EYS: variants seen among roughly 807,000 people sequenced by gnomAD.
EYS encodes protein eyes shut homolog.
A neutral mutation model predicts 282.1 loss-of-function variants in EYS; 250 were observed. The ratio of observed to expected loss-of-function variants is 0.89; its 90% CI spans 0.80 to 0.98. The LOEUF (loss-of-function observed/expected upper bound fraction) is 0.98, where lower values mean the gene tolerates loss of function less well. Among genes scored for constraint, EYS ranks in the 50% least tolerant of loss-of-function variants. The pLI, the probability that EYS is intolerant of heterozygous loss-of-function variation, is 0.00. For synonymous variants in EYS, 1,355 were observed against 1,282.9 expected, an observed-to-expected ratio of 1.06 and a Z score of -1.20; for missense variants, 4,016 against 3,709.0, an observed-to-expected ratio of 1.08 and a Z score of -2.15.
intron 19 of EYS, among the ~76,000 whole-genome samples, chr6:64,878,538 C>A (rs1714820790): frequency 6.6e-6 from 1 of 152,018 alleles, no homozygotes; most frequent in African/African-American, 2.4e-5. Context: ...GATTGTCAGG[C>A]AGCACCAAGG....
intron 12 of EYS, among the ~76,000 whole-genome samples, chr6:65,184,207 A>G (rs1281028062): frequency 1.3e-5 from 2 of 151,958 alleles, no homozygotes; most frequent in South Asian, 4.1e-4. Flanking sequence ...TATAAGGAGC[A>G]GAAATGTATA....
At chr6:65,539,809 A>T (rs182551179) in intron 2 of EYS, among the ~76,000 whole-genome samples, 1 of 152,326 alleles carries the variant, frequency 6.6e-6, no homozygotes, top group Admixed American at 6.5e-5. Flanking sequence ...AAGTATTAAA[A>T]ATATTCATGA....
intron 1 of EYS, among the ~76,000 whole-genome samples, chr6:65,641,945 T>C (rs1767289438): frequency 6.6e-6 from 1 of 152,142 alleles, no homozygotes; most frequent in African/African-American, 2.4e-5. Context: ...CGAAAAGATT[T>C]AGAAACAACT....
chr6:64,848,555 C>T (rs187366232), intron 19 of EYS, among the ~76,000 whole-genome samples: 167 of 152,122 alleles, frequency 1.1e-3, no homozygotes, highest in Middle Eastern at 0.01. Context: ...AAACAATCAA[C>T]TCACACAGGA....
chr6:65,606,332 G>A (rs1765791123), intron 2 of EYS, among the ~76,000 whole-genome samples: 1 of 151,584 alleles, frequency 6.6e-6, no homozygotes, highest in Non-Finnish European at 1.5e-5. Context: ...CATATTCCAA[G>A]CCATACTAAA....
chr6:63,820,841 G>C (rs1042232747), intron 36 of EYS, among the ~76,000 whole-genome samples: 1 of 152,206 alleles, frequency 6.6e-6, no homozygotes, highest in South Asian at 2.1e-4. Context: ...GATGATAGTA[G>C]TTTAACATAT....
At chr6:64,174,420 T>G (rs1280685623) in intron 31 of EYS, among the ~76,000 whole-genome samples, 1 of 152,034 alleles carries the variant, frequency 6.6e-6, no homozygotes, top group African/African-American at 2.4e-5. Flanking sequence ...TTACTTATAA[T>G]AGTAATACTT....
intron 26 of EYS, among the ~76,000 whole-genome samples, chr6:64,580,421 C>T (rs1766023798): frequency 6.6e-6 from 1 of 151,886 alleles, no homozygotes; most frequent in South Asian, 2.1e-4. Context: ...TTGAATTGGG[C>T]CTTAGGACAG....
chr6:65,283,251 G>T (rs1768273050), intron 12 of EYS, among the ~76,000 whole-genome samples: 1 of 151,712 alleles, frequency 6.6e-6, no homozygotes, highest in Non-Finnish European at 1.5e-5. Context: ...ACTTTAAAAA[G>T]AACAAGTCTC....
At chr6:65,024,213 C>A (rs1251494381) in intron 13 of EYS, among the ~76,000 whole-genome samples, 2 of 152,072 alleles carry the variant, frequency 1.3e-5, no homozygotes, top group African/African-American at 2.4e-5. Flanking sequence ...GTCTAGGGAG[C>A]TTTTATTCAC....
At chr6:64,986,818 C>T (rs938831264) in intron 14 of EYS, among the ~76,000 whole-genome samples, 3 of 145,600 alleles carry the variant, frequency 2.1e-5, no homozygotes, top group Non-Finnish European at 3.1e-5. Context: ...ATATATAACT[C>T]AGACCAAAAA....
rs67661407 is a variant in EYS, at chr6:65,153,363, ATGTGTGTGTGTGTGTG to A, written c.2024-95652_2024-95637del. Among the ~76,000 whole-genome samples the A allele has an allele frequency of 4.1e-3, 556 of 135,856 alleles. 4 individuals are homozygous for A. The highest frequency in any genetic ancestry group is 0.014 in the African/African-American group (502 of 37,012). 89.1% of individuals were successfully genotyped at this position (135,856 alleles called of 152,430 possible). A position where few individuals can be genotyped will look rare whatever the true frequency, so the allele number is the denominator to read the frequency against. On this transcript the variant is annotated intron_variant, in intron 12 of 42. Coordinates refer to ENST00000503581, the MANE Select transcript of EYS (RefSeq NM_001142800.2). ...ACCCACAGAAATTCAGAGATCATAA[ATGTGTGTGTGTGTGTG>A]TGTGTGTGTGTGTGTGTGTGTGTGT...
intron 28 of EYS, among the ~76,000 whole-genome samples, chr6:64,433,356 C>T (rs1774633310): frequency 1.3e-5 from 2 of 151,974 alleles, no homozygotes; most frequent in African/African-American, 4.8e-5. Flanking sequence ...AAAATTTTAG[C>T]TGCAACATTC....
At chr6:63,766,823 G>C (rs181445079) in intron 40 of EYS, among the ~76,000 whole-genome samples, 1 of 152,006 alleles carries the variant, frequency 6.6e-6, no homozygotes. Context: ...GAAAGAGTAT[G>C]GTGTTGTTAG....
intron 33 of EYS, among the ~76,000 whole-genome samples, chr6:64,060,542 A>G (rs1199967710): frequency 6.6e-6 from 1 of 152,174 alleles, no homozygotes; most frequent in Non-Finnish European, 1.5e-5. Flanking sequence ...AATCCTACTC[A>G]GAATCATTCT....
At chr6:63,928,658 G>A (rs1447437002) in intron 35 of EYS, among the ~76,000 whole-genome samples, 1 of 152,130 alleles carries the variant, frequency 6.6e-6, no homozygotes, top group Non-Finnish European at 1.5e-5. Context: ...TTGATTTCCA[G>A]TATTGGGTCA....
At chr6:64,506,140 C>T (rs1379827203) in intron 26 of EYS, among the ~76,000 whole-genome samples, 1 of 151,970 alleles carries the variant, frequency 6.6e-6, no homozygotes, top group African/African-American at 2.4e-5. Context: ...AAAAGTATCC[C>T]AATACAGTAT....
intron 35 of EYS, among the ~76,000 whole-genome samples, chr6:63,975,512 A>C (rs1766793328): frequency 6.6e-6 from 1 of 152,076 alleles, no homozygotes; most frequent in African/African-American, 2.4e-5. Context: ...TTTAAGTAAC[A>C]GTGACCTAAA....
intron 29 of EYS, among the ~76,000 whole-genome samples, chr6:64,345,619 A>G (rs1215333275): frequency 6.6e-6 from 1 of 152,158 alleles, no homozygotes; most frequent in African/African-American, 2.4e-5. Context: ...CCTAGGCAAT[A>G]TCATTCAGGA....
Sources: gnomAD v4.1 joint callset for allele counts (sites outside exome capture counted in the v4.1 genomes callset) on GRCh38, gnomAD v4.1.1 for gene constraint, MANE v1.5 for transcripts, NCBI Gene and HGNC (gene_info 2026-07-23, HGNC 2026-07-21) for gene names.